The following COMMD8 variants were observed in gnomAD, a reference collection of about 807,000 sequenced individuals.
COMMD8 encodes the protein COMM domain-containing protein 8.
In COMMD8, 28 loss-of-function variants were observed where a neutral mutation model predicts 27.2. The ratio of observed to expected loss-of-function variants is 1.03; its 90% CI spans 0.76 to 1.41. The LOEUF (loss-of-function observed/expected upper bound fraction) is 1.41, where lower values mean the gene tolerates loss of function less well. COMMD8 is among the 40% of genes most tolerant of loss of function. The pLI, the probability that COMMD8 is intolerant of heterozygous loss-of-function variation, is 0.00. For missense variants in COMMD8, 217 were observed against 211.2 expected (o/e 1.03, Z -0.17); for synonymous variants, 79 against 75.5 (o/e 1.05, Z -0.24).
intron 4 of COMMD8, among the ~76,000 whole-genome samples, chr4:47,452,001 C>T (rs1313427065): frequency 3.3e-5 from 5 of 152,054 alleles, no homozygotes; most frequent in African/African-American, 9.7e-5. Context: ...TGAAGTTTAT[C>T]AGAGTTTTTA....
chr4:47,460,846 C>T (rs935333994), intron 1 of COMMD8, among the ~76,000 whole-genome samples: 3 of 152,098 alleles, frequency 2.0e-5, no homozygotes, highest in African/African-American at 7.2e-5. Flanking sequence ...GTCTCCAGTA[C>T]TTTTTTCCTT....
rs914541980 is a variant in COMMD8 at position 47,451,466 on chromosome 4, C to T, written c.*179G>A. ...TTTCATTTTATGCATTTCCTCTCAA[C>T]CATGTAATTTCCTGTTAAGGAATGT... is the stretch of plus-strand genomic sequence containing the variant. On this transcript the variant is annotated 3_prime_UTR_variant, in exon 5 of 5. Coordinates refer to ENST00000381571, the MANE Select transcript of COMMD8 (RefSeq NM_017845.5). 2 of 550,796 alleles carry T rather than the reference C, an allele frequency of 3.6e-6. No individual in the cohort carries two copies. The highest frequency in any genetic ancestry group is 2.0e-5 in the African/African-American group (1 of 49,368). 34.1% of individuals were successfully genotyped at this position (550,796 alleles called of 1,614,324 possible).
intron 1 of COMMD8, 42 bp from the exon 2 acceptor site, chr4:47,460,341 G>A: frequency 6.5e-7 from 1 of 1,533,432 alleles, no homozygotes; most frequent in South Asian, 1.2e-5. Context: ...TAAGTAAAAT[G>A]ATGAAACAAA....
intron 3 of COMMD8, 98 bp from the exon 4 acceptor site, chr4:47,453,312 T>A: frequency 1.1e-6 from 1 of 905,186 alleles, no homozygotes; most frequent in Non-Finnish European, 1.7e-6. Context: ...TTAAAAGTAC[T>A]GTTTGCTGTT....
At position 47,456,716 on chromosome 4, in the gene COMMD8, A is replaced by C. The variant is rs1729900721; in HGVS notation, c.236T>G (p.Leu79Trp). Residue 79 changes from leucine (L) to tryptophan (W), a missense_variant, in exon 3 of 5, where the codon TTG (leucine) becomes TGG (tryptophan). By Grantham distance (61) the Leu-to-Trp change is moderately conservative (BLOSUM62 -2). Coordinates refer to ENST00000381571, the MANE Select transcript of COMMD8 (RefSeq NM_017845.5). Reference sequence around the variant, plus strand: ...TTGATGAAGTGAATTCAACTGATTCAACTGCTGAAATATCTATAAAAATAA... The same window carrying C: ...TTGATGAAGTGAATTCAACTGATTCCACTGCTGAAATATCTATAAAAATAA... ...NLPDEEIFQQ[L>W]NQLNSLHQET... is the part of the protein sequence containing the mutation. 10 of 1,578,278 alleles carry C rather than the reference A, an allele frequency of 6.3e-6. 1 individual carries two copies. Among genetic ancestry groups the C allele is most frequent in the Non-Finnish European group, 8.6e-6 (10 of 1,167,182 alleles).
At chr4:47,453,438 C>G (rs569562051) in intron 3 of COMMD8, among the ~76,000 whole-genome samples, 1 of 152,092 alleles carries the variant, frequency 6.6e-6, no homozygotes, top group Non-Finnish European at 1.5e-5. Flanking sequence ...GTAAGACAAC[C>G]AGTCAGCAAT....
At chr4:47,459,530 G>T (rs1372156942) in intron 2 of COMMD8, among the ~76,000 whole-genome samples, 1 of 152,128 alleles carries the variant, frequency 6.6e-6, no homozygotes, top group Admixed American at 6.5e-5. Flanking sequence ...TCAGTAGGGA[G>T]ATAAATAAAT....
At position 47,463,502 on chromosome 4, in the gene COMMD8, T is replaced by C. The variant is rs1159878642; in HGVS notation, c.66+84A>G. The C allele has an allele frequency of 3.0e-6, 4 of 1,343,408 alleles. No individual in the cohort carries two copies. In the East Asian group the frequency reaches 7.7e-5, roughly 26 times the overall value. The allele number at this position is 1,343,408 out of a possible 1,614,324, so 83.2% of individuals were successfully genotyped here. On this transcript the variant is annotated intron_variant, in intron 1 of 4. Transcript: ENST00000381571. ...CTTCCCTAGGGAGCTTGCGAAGGCG[T>C]CCGGGTCGCACCCGGCCTGATCCGC...
At chr4:47,455,708 T>C (rs1729869454) in intron 3 of COMMD8, among the ~76,000 whole-genome samples, 1 of 152,178 alleles carries the variant, frequency 6.6e-6, no homozygotes, top group African/African-American at 2.4e-5. Flanking sequence ...TGTAAGGCAC[T>C]TTATCCAGGG....
chr4:47,460,000 G>A, intron 2 of COMMD8, 144 bp downstream of exon 2: 1 of 587,898 alleles, frequency 1.7e-6, no homozygotes, highest in Non-Finnish European at 2.7e-6. Context: ...AAAAACCTAG[G>A]ACTTCCACAG....
Position 47,453,217 on chromosome 4 carries a change from G to GT in COMMD8, c.376-4dup. The GT allele has an allele frequency of 6.2e-7, 1 of 1,609,548 alleles. No individual in the cohort carries two copies. Among genetic ancestry groups the GT allele is most frequent in the Non-Finnish European group, 8.5e-7 (1 of 1,178,312 alleles). On this transcript the variant is annotated splice_region_variant and splice_polypyrimidine_tract_variant and intron_variant, in intron 3 of 4. Coordinates refer to ENST00000381571, the MANE Select transcript of COMMD8 (RefSeq NM_017845.5). ...ATCTTGTCACTGGAAAGTGCAAGCT[G>GT]TTTAAAATCAGAAAAATAGCAATTA... is the stretch of plus-strand genomic sequence containing the variant.
intron 2 of COMMD8, among the ~76,000 whole-genome samples, chr4:47,459,374 GGAA>G (rs1729964545): frequency 6.6e-6 from 1 of 152,030 alleles, no homozygotes; most frequent in South Asian, 2.1e-4. Context: ...GCAATTCAGT[GGAA>G]GAAGGATATC....
chr4:47,453,817 G>C (rs903093714), intron 3 of COMMD8, among the ~76,000 whole-genome samples: 1 of 152,172 alleles, frequency 6.6e-6, no homozygotes, highest in Non-Finnish European at 1.5e-5. Context: ...GAGCACTGTA[G>C]CTTCCTTGGC....
chr4:47,457,569 G>A (rs1729926924), intron 2 of COMMD8, among the ~76,000 whole-genome samples: 3 of 152,052 alleles, frequency 2.0e-5, no homozygotes, highest in Non-Finnish European at 4.4e-5. Flanking sequence ...TCACCATAAC[G>A]TACCATATTC....
intron 1 of COMMD8, among the ~76,000 whole-genome samples, chr4:47,462,703 C>T (rs983179958): frequency 6.6e-6 from 1 of 152,170 alleles, no homozygotes; most frequent in Non-Finnish European, 1.5e-5. Flanking sequence ...ATCAACAGAT[C>T]TGAGCATAAG....
At position 47,463,658 on chromosome 4, in the gene COMMD8, G is replaced by C; in HGVS notation, c.-7C>G. 6.5e-7 allele frequency: 1 copy of C among 1,547,868 alleles called. No homozygotes were observed. The highest frequency in any genetic ancestry group is 8.7e-7 in the Non-Finnish European group (1 of 1,145,540). On this transcript the variant is annotated 5_prime_UTR_variant, in exon 1 of 5. Coordinates refer to ENST00000381571, the MANE Select transcript of COMMD8 (RefSeq NM_017845.5). Reference sequence around the variant, plus strand: ...TCCCCTCTTCCGGCTCCATCCCTGCGCGAAGCTGGGGCTTGGGTCACGTGT... The same window carrying C: ...TCCCCTCTTCCGGCTCCATCCCTGCCCGAAGCTGGGGCTTGGGTCACGTGT...
chr4:47,462,329 G>C (rs1021078331), intron 1 of COMMD8, among the ~76,000 whole-genome samples: 2 of 152,102 alleles, frequency 1.3e-5, no homozygotes, highest in African/African-American at 2.4e-5. Context: ...TGTGAAAAGG[G>C]GGGGCCATGG....
chr4:47,453,257 G>C, intron 3 of COMMD8, 43 bp from the exon 4 acceptor site: 1 of 1,526,402 alleles, frequency 6.6e-7, no homozygotes, highest in Non-Finnish European at 9.0e-7. Context: ...ATAGTAAAAA[G>C]AACTATATTG....
At chr4:47,456,295 T>TATATATAC (rs1729886456) in intron 3 of COMMD8, among the ~76,000 whole-genome samples, 1 of 145,012 alleles carries the variant, frequency 6.9e-6, no homozygotes, top group Non-Finnish European at 1.5e-5. Flanking sequence ...TATATATATA[T>TATATATAC]ATATATGTAT....
Sources: allele counts gnomAD v4.1 joint callset (sites outside exome capture counted in the v4.1 genomes callset), GRCh38; gene constraint gnomAD v4.1.1; transcripts MANE v1.5; gene names NCBI Gene and HGNC (gene_info 2026-07-23, HGNC 2026-07-21).